ACOXL: variants seen among roughly 807,000 people sequenced by gnomAD.
ACOXL encodes the protein acyl-coenzyme A oxidase-like protein.
Under a neutral mutation model 71.9 loss-of-function variants are expected in ACOXL, and 70 were observed. The observed-to-expected ratio is 0.97, with a 90% CI of 0.80 to 1.19. The LOEUF is 1.19. ACOXL is among the 50% of genes most tolerant of loss of function. ACOXL has a pLI of 0.00. For synonymous variants in ACOXL, 253 were observed against 281.6 expected, an observed-to-expected ratio of 0.90 and a Z score of 1.02; for missense variants, 703 against 736.3, an observed-to-expected ratio of 0.95 and a Z score of 0.52.
intron 15 of ACOXL, among the ~76,000 whole-genome samples, chr2:111,031,947 T>C (rs2065292384): frequency 6.6e-6 from 1 of 152,156 alleles, no homozygotes; most frequent in Non-Finnish European, 1.5e-5. Flanking sequence ...GCTAAACCAG[T>C]CAGGAACAGC....
At chr2:110,878,054 A>G (rs1243221555) in intron 10 of ACOXL, among the ~76,000 whole-genome samples, 1 of 152,128 alleles carries the variant, frequency 6.6e-6, no homozygotes, top group African/African-American at 2.4e-5. Flanking sequence ...TATCAATCTC[A>G]TGTCAAAATT....
intron 10 of ACOXL, among the ~76,000 whole-genome samples, chr2:110,885,187 G>GCT (rs1223016373): frequency 6.6e-6 from 1 of 152,162 alleles, no homozygotes; most frequent in Non-Finnish European, 1.5e-5. Context: ...TAACAGGGAT[G>GCT]CTCACATCAG....
chr2:110,842,290 A>G (rs1200583424), intron 10 of ACOXL, among the ~76,000 whole-genome samples: 1 of 152,172 alleles, frequency 6.6e-6, no homozygotes, highest in Non-Finnish European at 1.5e-5. Context: ...AAGCCCTTGG[A>G]ATGAGCCTGT....
At position 110,799,260 on chromosome 2, in the gene ACOXL, T is replaced by C. The variant is rs1685657451; in HGVS notation, c.547+160T>C. Reference sequence around the variant, plus strand: ...TTTTGAAGCCTCATGAAGTCTTTTATGTAGAACTGTTCAGGAATGTCGTAG... The same window carrying C: ...TTTTGAAGCCTCATGAAGTCTTTTACGTAGAACTGTTCAGGAATGTCGTAG... On this transcript the variant is annotated intron_variant, in intron 7 of 17. Coordinates refer to ENST00000439055, the MANE Select transcript of ACOXL (RefSeq NM_001142807.4). 2.6e-5 allele frequency among the ~76,000 whole-genome samples: 4 copies of C among 152,248 alleles called. No individual in the cohort carries two copies. The South Asian group carries it at 8.3e-4, about 31-fold the overall frequency.
At chr2:110,815,093 G>T (rs1220835262) in intron 9 of ACOXL, among the ~76,000 whole-genome samples, 1 of 152,130 alleles carries the variant, frequency 6.6e-6, no homozygotes, top group Non-Finnish European at 1.5e-5. Flanking sequence ...TGGTGGAAGG[G>T]CGAGCAAATA....
rs768337425 is a variant in ACOXL, at chr2:110,799,005, C to T, written c.461-9C>T. 1.9e-6 allele frequency: 3 copies of T among 1,613,848 alleles called. No homozygotes were observed. Among genetic ancestry groups the T allele is most frequent in the Non-Finnish European group, 2.5e-6 (3 of 1,179,846 alleles). On this transcript the variant is annotated splice_polypyrimidine_tract_variant and intron_variant, in intron 6 of 17. Transcript: ENST00000439055. ...GAGAGCTTAATAATGATCTCGATGC[C>T]TTCCTTAGGGCCCCACTGTTTCATC...
chr2:110,789,188 T>G (rs1684360195), intron 3 of ACOXL, among the ~76,000 whole-genome samples: 1 of 152,266 alleles, frequency 6.6e-6, no homozygotes, highest in Non-Finnish European at 1.5e-5. Context: ...ATTAGCAAAG[T>G]GCCAGGGAAA....
intron 9 of ACOXL, among the ~76,000 whole-genome samples, chr2:110,818,801 G>A (rs183455535): frequency 4.3e-4 from 65 of 152,258 alleles, no homozygotes; most frequent in African/African-American, 1.5e-3. Flanking sequence ...GAAAAGCAGA[G>A]CGTAAACCTG....
At chr2:110,740,955 A>G (rs1677449899) in intron 1 of ACOXL, among the ~76,000 whole-genome samples, 1 of 152,234 alleles carries the variant, frequency 6.6e-6, no homozygotes, top group South Asian at 2.1e-4. Flanking sequence ...CCACAGAAAT[A>G]CAAGCTGTTC....
rs1369701794 is a variant in ACOXL at position 110,939,574 on chromosome 2, C to G, written c.1059+5932C>G. 2.0e-5 allele frequency among the ~76,000 whole-genome samples: 3 copies of G among 152,112 alleles called. No individual in the cohort carries two copies. In the East Asian group the frequency reaches 5.8e-4, roughly 29 times the overall value. ...ATTCCTCAGCTTATGTAAAATTGTT[C>G]CATTATTATAAACAACACTATAGAA... On this transcript the variant is annotated intron_variant, in intron 12 of 17. Transcript: ENST00000439055.
intron 9 of ACOXL, among the ~76,000 whole-genome samples, chr2:110,840,414 A>G (rs1533295): frequency 0.26 from 38,878 of 152,172 alleles, 5,392 homozygotes; most frequent in Middle Eastern, 0.37. Flanking sequence ...AATTTTTCCT[A>G]TCACACAATA....
intron 1 of ACOXL, among the ~76,000 whole-genome samples, chr2:110,749,940 T>G (rs1021196109): frequency 6.6e-6 from 1 of 152,236 alleles, no homozygotes; most frequent in South Asian, 2.1e-4. Context: ...GTCAGGTGTT[T>G]GTCAAATGTC....
chr2:111,074,572 T>C (rs936112977), intron 16 of ACOXL, among the ~76,000 whole-genome samples: 2 of 152,180 alleles, frequency 1.3e-5, no homozygotes, highest in Admixed American at 6.5e-5. Context: ...TTTTTTAGGT[T>C]GTTAATATGA....
chr2:110,923,749 C>A (rs555938617), intron 11 of ACOXL, among the ~76,000 whole-genome samples: 17 of 152,138 alleles, frequency 1.1e-4, no homozygotes, highest in Admixed American at 3.3e-4. Flanking sequence ...GCCTGGCCAA[C>A]ATGGTGAAAC....
chr2:111,024,777 A>G (rs1406765422), intron 14 of ACOXL, among the ~76,000 whole-genome samples: 1 of 152,058 alleles, frequency 6.6e-6, no homozygotes, highest in East Asian at 1.9e-4. Flanking sequence ...CCGGTAGACA[A>G]CTGCCTGTTC....
chr2:110,805,241 A>G, intron 8 of ACOXL, 22 bp from the exon 9 acceptor site: 1 of 1,612,090 alleles, frequency 6.2e-7, no homozygotes, highest in Non-Finnish European at 8.5e-7. Flanking sequence ...TTTTTGTGAA[A>G]CCCCACCTCT....
At chr2:110,768,513 TGAGAGAGAGAGA>T in intron 2 of ACOXL, 49 bp downstream of exon 2, 1 of 928,518 alleles carries the variant, frequency 1.1e-6, no homozygotes, top group Non-Finnish European at 1.6e-6. Context: ...TGTGTGTGTG[TGAGAGAGAGAGA>T]GAGAGAGAGA....
intron 16 of ACOXL, among the ~76,000 whole-genome samples, chr2:111,066,587 A>G (rs1431721607): frequency 6.6e-6 from 1 of 152,246 alleles, no homozygotes; most frequent in Non-Finnish European, 1.5e-5. Context: ...TGACAATTGC[A>G]TGTAAATCTA....
intron 16 of ACOXL, among the ~76,000 whole-genome samples, chr2:111,079,554 G>T (rs1449848604): frequency 1.3e-5 from 2 of 152,190 alleles, no homozygotes; most frequent in African/African-American, 4.8e-5. Context: ...GAAAGCTGAG[G>T]TTTAGTTATC....
Sources: allele counts gnomAD v4.1 joint callset (sites outside exome capture counted in the v4.1 genomes callset), GRCh38; gene constraint gnomAD v4.1.1; transcripts MANE v1.5; gene names NCBI Gene and HGNC (gene_info 2026-07-23, HGNC 2026-07-21).